Variants in PTPRQ observed in about 807,000 individuals in gnomAD.
PTPRQ encodes the protein protein tyrosine phosphatase receptor type Q, also known as phosphatidylinositol phosphatase PTPRQ.
Under a neutral mutation model 246.0 loss-of-function variants are expected in PTPRQ, and 199 were observed. That is an observed-to-expected ratio of 0.81 (90% CI 0.72 to 0.91). The LOEUF (loss-of-function observed/expected upper bound fraction) is 0.91. Ranked by LOEUF, PTPRQ falls within the 40% of genes least tolerant of loss-of-function variation. PTPRQ has a pLI of 0.00. For missense variants in PTPRQ, 2,624 were observed against 2,528.4 expected, an observed-to-expected ratio of 1.04 and a Z score of -0.81; for synonymous variants, 869 against 853.2, an observed-to-expected ratio of 1.02 and a Z score of -0.32.
intron 25 of PTPRQ, chr12:80,584,316 G>A (rs1389249552): frequency 3.3e-5 from 5 of 152,222 alleles, no homozygotes; most frequent in South Asian, 4.1e-4. Flanking sequence ...CTGAGATTAC[G>A]TGATTTTTCT....
At chr12:80,554,387 T>C (rs1451171754) in intron 25 of PTPRQ, among the ~76,000 whole-genome samples, 1 of 152,190 alleles carries the variant, frequency 6.6e-6, no homozygotes, top group Admixed American at 6.5e-5. Flanking sequence ...TAAAACCAGT[T>C]AAAACAAAGC....
At chr12:80,598,400 A>C (rs1373534284) in intron 26 of PTPRQ, among the ~76,000 whole-genome samples, 1 of 152,002 alleles carries the variant, frequency 6.6e-6, no homozygotes, top group Non-Finnish European at 1.5e-5. Context: ...GGACAGGAAT[A>C]TGTCCTGAGA....
At chr12:80,531,851 A>G (rs1895853603) in intron 17 of PTPRQ, among the ~76,000 whole-genome samples, 1 of 152,230 alleles carries the variant, frequency 6.6e-6, no homozygotes, top group African/African-American at 2.4e-5. Flanking sequence ...GTCTCTTGGG[A>G]GTAAACCAAG....
chr12:80,636,027 C>A (rs1899635407), intron 35 of PTPRQ, among the ~76,000 whole-genome samples: 2 of 152,146 alleles, frequency 1.3e-5, no homozygotes, highest in South Asian at 4.1e-4. Flanking sequence ...TCCAGCATAT[C>A]TAAAAATACC....
At position 80,549,384 on chromosome 12, in the gene PTPRQ, A is replaced by G. The variant is rs908727828; in HGVS notation, c.4016-81A>G. 1.1e-5 allele frequency: 16 copies of G among 1,410,386 alleles called. No homozygotes were observed. The African/African-American group carries it at 2.3e-4, about 20-fold the overall frequency. The allele number at this position is 1,410,386 out of a possible 1,614,324, so 87.4% of individuals were successfully genotyped here. A position where few individuals can be genotyped will look rare whatever the true frequency, so the allele number is the denominator to read the frequency against. On this transcript the variant is annotated intron_variant, in intron 24 of 44. Coordinates refer to ENST00000644991, the MANE Select transcript of PTPRQ (RefSeq NM_001145026.2). ...TTTTTCTAGTTCTAAACACAGATGT[A>G]TCTAGTGATCACGTAATTCAATCAA... is the stretch of plus-strand genomic sequence containing the variant.
chr12:80,585,030 G>A lies in PTPRQ; in HGVS notation c.4286-3099G>A, dbSNP rs1300371305. On this transcript the variant is annotated intron_variant, in intron 25 of 44. Coordinates refer to ENST00000644991, the MANE Select transcript of PTPRQ (RefSeq NM_001145026.2). ...TAAGCAATAGATCTGTAAATAATTC[G>A]ATAAAAATTTAAGATGAAATCCAAA... Among the ~76,000 whole-genome samples the A allele has an allele frequency of 6.6e-5, 10 of 151,076 alleles. No homozygotes were observed. In the South Asian group the frequency reaches 1.5e-3, roughly 22 times the overall value.
chr12:80,552,645 T>TATA (rs1486986901), intron 25 of PTPRQ, among the ~76,000 whole-genome samples: 17 of 76,460 alleles, frequency 2.2e-4, no homozygotes, highest in Non-Finnish European at 2.9e-4. Flanking sequence ...AAAAAAAAAA[T>TATA]TATATATATA....
intron 37 of PTPRQ, among the ~76,000 whole-genome samples, chr12:80,651,005 A>G (rs1462265624): frequency 6.6e-6 from 1 of 152,026 alleles, no homozygotes; most frequent in Middle Eastern, 3.2e-3. Flanking sequence ...TTAACTCAGG[A>G]CATATTCACT....
intron 35 of PTPRQ, among the ~76,000 whole-genome samples, chr12:80,639,085 C>T (rs536999516): frequency 3.9e-5 from 6 of 152,260 alleles, no homozygotes; most frequent in East Asian, 1.9e-4. Context: ...GACACAGACA[C>T]GCACAGTAAG....
intron 9 of PTPRQ, among the ~76,000 whole-genome samples, chr12:80,490,157 C>T (rs1468274552): frequency 5.3e-5 from 8 of 151,886 alleles, no homozygotes; most frequent in East Asian, 1.9e-4. Flanking sequence ...TTGAATGATA[C>T]GGTATCCTTC....
intron 8 of PTPRQ, among the ~76,000 whole-genome samples, chr12:80,479,482 A>G (rs1308156962): frequency 2.7e-5 from 4 of 150,324 alleles, no homozygotes; most frequent in African/African-American, 7.4e-5. Context: ...TGAGCAAAAT[A>G]ACCAGCTAAC....
chr12:80,501,251 G>A (rs773443224), intron 14 of PTPRQ, among the ~76,000 whole-genome samples: 11 of 151,854 alleles, frequency 7.2e-5, no homozygotes, highest in South Asian at 2.1e-4. Context: ...AGCTTTTGGA[G>A]AATTATGGAA....
chr12:80,526,363 A>C (rs927280055), intron 17 of PTPRQ, among the ~76,000 whole-genome samples: 3 of 152,182 alleles, frequency 2.0e-5, no homozygotes, highest in Non-Finnish European at 4.4e-5. Flanking sequence ...TCAGTTGGAC[A>C]TATCAGTCCA....
intron 25 of PTPRQ, among the ~76,000 whole-genome samples, chr12:80,570,486 T>C (rs1482913852): frequency 6.6e-6 from 1 of 152,106 alleles, no homozygotes; most frequent in Non-Finnish European, 1.5e-5. Context: ...GGTGCTAGCT[T>C]TTTGTCAGGT....
Position 80,535,078 on chromosome 12 carries a change from T to C in PTPRQ, c.2985+41T>C, listed in dbSNP as rs771772934. The C allele has an allele frequency of 3.4e-6, 5 of 1,450,840 alleles. No individual in the cohort carries two copies. In the South Asian group the frequency reaches 7.3e-5, roughly 21 times the overall value. The allele number at this position is 1,450,840 out of a possible 1,614,324, so 89.9% of individuals were successfully genotyped here. On this transcript the variant is annotated intron_variant, in intron 19 of 44. Transcript: ENST00000644991. Reference sequence around the variant, plus strand: ...TCTTCTAGTTCTTTATTAACATCCTTAAGTTTTATTAATAATACAGACTTG... The same window carrying C: ...TCTTCTAGTTCTTTATTAACATCCTCAAGTTTTATTAATAATACAGACTTG...
At chr12:80,614,507 A>G (rs566820429) in intron 29 of PTPRQ, among the ~76,000 whole-genome samples, 1 of 151,064 alleles carries the variant, frequency 6.6e-6, no homozygotes, top group African/African-American at 2.4e-5. Context: ...CTCTTGATTA[A>G]TATCAATGTA....
chr12:80,675,067 T>C (rs1181323930), intron 43 of PTPRQ, among the ~76,000 whole-genome samples: 1 of 152,138 alleles, frequency 6.6e-6, no homozygotes, highest in Non-Finnish European at 1.5e-5. Flanking sequence ...TGCATATACA[T>C]TCCCTCATAT....
At chr12:80,521,394 T>C (rs915859227) in intron 17 of PTPRQ, among the ~76,000 whole-genome samples, 8 of 152,226 alleles carry the variant, frequency 5.3e-5, no homozygotes, top group Non-Finnish European at 1.0e-4. Context: ...ATTTTGGCTT[T>C]GGTTGCCATT....
chr12:80,573,377 T>C (rs1897200586), intron 25 of PTPRQ, among the ~76,000 whole-genome samples: 1 of 151,900 alleles, frequency 6.6e-6, no homozygotes, highest in African/African-American at 2.4e-5. Flanking sequence ...TGGTCCCAGC[T>C]ACTCGGGAGG....
Sources: gnomAD v4.1 joint callset for allele counts (sites outside exome capture counted in the v4.1 genomes callset) on GRCh38, gnomAD v4.1.1 for gene constraint, MANE v1.5 for transcripts, NCBI Gene and HGNC (gene_info 2026-07-23, HGNC 2026-07-21) for gene names.